The following CDC25C variants were observed in gnomAD, a reference collection of about 807,000 sequenced individuals.
The protein encoded by CDC25C is cell division cycle 25C, also known as M-phase inducer phosphatase 3.
Under a neutral mutation model 52.5 loss-of-function variants are expected in CDC25C, and 48 were observed. The ratio of observed to expected loss-of-function variants is 0.91; its 90% confidence interval spans 0.72 to 1.16. CDC25C has a LOEUF of 1.16. Among genes scored for constraint, CDC25C ranks in the 50% most tolerant of loss-of-function variants. The pLI is 0.00. For synonymous variants in CDC25C, 187 were observed against 206.5 expected (o/e 0.91, Z 0.81); for missense variants, 510 against 566.1 (o/e 0.90, Z 1.01).
chr5:138,330,112 A>C (rs1313962357), intron 2 of CDC25C, among the ~76,000 whole-genome samples: 2 of 152,158 alleles, frequency 1.3e-5, no homozygotes, highest in African/African-American at 4.8e-5. Flanking sequence ...CTTTTGGGAA[A>C]TATATCAGAC....
chr5:138,312,421 A>G (rs1477619986), intron 7 of CDC25C, among the ~76,000 whole-genome samples: 1 of 152,242 alleles, frequency 6.6e-6, no homozygotes, highest in Admixed American at 6.5e-5. Flanking sequence ...TTGTAAACCA[A>G]TTTTTATAGC....
At position 138,325,859 on chromosome 5, in the gene CDC25C, T is replaced by C. The variant is rs1759809569; in HGVS notation, c.415A>G (p.Arg139Gly). Reference protein sequence around the residue: ...STPNGLDRGHRKRDAMCSSSA... With the variant: ...STPNGLDRGHGKRDAMCSSSA... ...GAACTACACATTGCATCTCTCTTTCTATGGCCACGGTCCAAACCATTCGGA... is the reference window on the plus strand; with the variant it reads ...GAACTACACATTGCATCTCTCTTTCCATGGCCACGGTCCAAACCATTCGGA... The change falls in exon 6 of 14, where the codon AGA (arginine) becomes GGA (glycine). Residue 139 changes from arginine (R) to glycine (G), a missense_variant. Arg to Gly is a moderately radical substitution (Grantham distance 125). Coordinates refer to ENST00000323760, the MANE Select transcript of CDC25C (RefSeq NM_001790.5). 6.2e-7 allele frequency: 1 copy of C among 1,614,068 alleles called. No individual in the cohort carries two copies. The highest frequency in any genetic ancestry group is 1.3e-5 in the African/African-American group (1 of 74,944).
At chr5:138,307,250 C>A (rs545290033) in intron 7 of CDC25C, among the ~76,000 whole-genome samples, 103 of 151,786 alleles carry the variant, frequency 6.8e-4, no homozygotes, top group African/African-American at 2.1e-3. Context: ...ACACCTGTAA[C>A]CCTAGCACTT....
At chr5:138,331,811 A>G (rs539878076), upstream of CDC25C, 1 of 968,604 alleles carries the variant, frequency 1.0e-6, no homozygotes, top group Non-Finnish European at 1.2e-6. Context: ...GAATATCAAC[A>G]GCCGCAGGCG....
chr5:138,303,463 A>G (rs1381809695), intron 7 of CDC25C, among the ~76,000 whole-genome samples: 1 of 151,806 alleles, frequency 6.6e-6, no homozygotes, highest in Non-Finnish European at 1.5e-5. Flanking sequence ...CTCTGCCCTC[A>G]TTTTCTACCC....
rs940495915 is a variant in CDC25C at position 138,287,222 on chromosome 5, A to C, written c.973T>G (p.Phe325Val). The C allele has an allele frequency of 1.9e-6, 3 of 1,613,948 alleles. No homozygotes were observed. The highest frequency in any genetic ancestry group is 2.5e-6 in the Non-Finnish European group (3 of 1,179,998). Residue 325 changes from phenylalanine to valine, a missense_variant, in exon 11 of 14, where the codon TTT becomes GTT. Transcript: ENST00000323760. ...SGKFQGLIEK[F>V]YVIDCRYPYE... ...GGATAGCGACAATCAATGACATAAA[A>C]CTTCTCAATCAGACCCTGGAACTTC...
At chr5:138,301,540 T>C (rs1757624640) in intron 7 of CDC25C, among the ~76,000 whole-genome samples, 4 of 150,524 alleles carry the variant, frequency 2.7e-5, no homozygotes, top group Admixed American at 2.0e-4. Flanking sequence ...ACCAATTCTA[T>C]ATAAACTCTT....
chr5:138,310,212 C>G (rs1758337846), intron 7 of CDC25C, among the ~76,000 whole-genome samples: 1 of 152,210 alleles, frequency 6.6e-6, no homozygotes, highest in African/African-American at 2.4e-5. Context: ...TCAACCCTTA[C>G]TATCATCCCT....
chr5:138,319,111 T>C, intron 7 of CDC25C, 108 bp downstream of exon 7: 5 of 955,712 alleles, frequency 5.2e-6, no homozygotes, highest in Non-Finnish European at 7.9e-6. Flanking sequence ...GATTCACTAG[T>C]TATTTTTTTG....
upstream of CDC25C, chr5:138,336,782 T>A (rs1760732810): frequency 6.6e-6 from 1 of 152,242 alleles, no homozygotes; most frequent in African/African-American, 2.4e-5. Flanking sequence ...CTGCTCCTTT[T>A]GCCAAGGGGA....
At chr5:138,338,245 C>A (rs1186994613) in exon 1 of CDC25C, 3 of 1,170,930 alleles carry the variant, frequency 2.6e-6, no homozygotes, top group Non-Finnish European at 3.4e-6. Context: ...TTAAGGGCAC[C>A]GTGGGGCGAA....
At chr5:138,307,490 C>CAAAAAAAAAAAAAAAAAAAA (rs57593237) in intron 7 of CDC25C, among the ~76,000 whole-genome samples, 1 of 88,248 alleles carries the variant, frequency 1.1e-5, no homozygotes, top group Non-Finnish European at 2.0e-5. Context: ...GAGACTGCCA[C>CAAAAAAAAAAAAAAAAAAAA]AAAAAAAAAA....
intron 7 of CDC25C, among the ~76,000 whole-genome samples, chr5:138,314,000 T>TTCTTTCTTTCTTTCTTTC (rs1561701509): frequency 6.9e-5 from 10 of 145,498 alleles, no homozygotes; most frequent in Non-Finnish European, 1.4e-4. Context: ...TCTTTCTTTT[T>TTCTTTCTTTCTTTCTTTC]TTTTTTTTTT....
At chr5:138,304,262 G>C (rs1422104072) in intron 7 of CDC25C, among the ~76,000 whole-genome samples, 10 of 151,498 alleles carry the variant, frequency 6.6e-5, no homozygotes, top group Non-Finnish European at 1.3e-4. Flanking sequence ...TCAAACCCCT[G>C]GGCTCAAGCC....
chr5:138,332,509 C>G (rs1339881631), upstream of CDC25C, among the ~76,000 whole-genome samples: 3 of 152,140 alleles, frequency 2.0e-5, no homozygotes, highest in Non-Finnish European at 4.4e-5. Flanking sequence ...TAATCCTTAT[C>G]GCAATCCAGA....
intron 10 of CDC25C, among the ~76,000 whole-genome samples, 156 bp from the exon 11 acceptor site, chr5:138,287,423 C>G (rs531091312): frequency 6.6e-6 from 1 of 152,240 alleles, no homozygotes; most frequent in Non-Finnish European, 1.5e-5. Context: ...TGATTCAGCC[C>G]CACTCCACAA....
chr5:138,288,979 T>G (rs1456296247), intron 10 of CDC25C, among the ~76,000 whole-genome samples: 1 of 152,184 alleles, frequency 6.6e-6, no homozygotes, highest in Non-Finnish European at 1.5e-5. Flanking sequence ...GTAATTATTA[T>G]TTTTTGAGAC....
chr5:138,302,706 A>G (rs1402704599), intron 7 of CDC25C, among the ~76,000 whole-genome samples: 1 of 151,914 alleles, frequency 6.6e-6, no homozygotes, highest in Non-Finnish European at 1.5e-5. Context: ...TCTCAAAAAA[A>G]AAAAGTAATT....
intron 7 of CDC25C, among the ~76,000 whole-genome samples, chr5:138,304,836 G>T (rs1393983520): frequency 6.6e-6 from 1 of 151,988 alleles, no homozygotes; most frequent in East Asian, 1.9e-4. Flanking sequence ...TTTCTAATCT[G>T]TTCCCCATCC....
Sources: allele counts gnomAD v4.1 joint callset (sites outside exome capture counted in the v4.1 genomes callset), GRCh38; gene constraint gnomAD v4.1.1; transcripts MANE v1.5; gene names NCBI Gene and HGNC (gene_info 2026-07-23, HGNC 2026-07-21).